MICU3: variants seen among roughly 807,000 people sequenced by gnomAD.
MICU3 encodes the protein calcium uptake protein 3, mitochondrial.
Under a neutral mutation model 66.5 loss-of-function variants are expected in MICU3, and 62 were observed. The observed-to-expected ratio is 0.93, with a 90% confidence interval of 0.76 to 1.15. The LOEUF (loss-of-function observed/expected upper bound fraction) is 1.15. MICU3 is among the 50% of genes most tolerant of loss of function. MICU3 has a pLI of 0.00. For synonymous variants in MICU3, 308 were observed against 240.7 expected, an observed-to-expected ratio of 1.28 and a Z score of -2.59; for missense variants, 779 against 664.4, an observed-to-expected ratio of 1.17 and a Z score of -1.90.
intron 1 of MICU3, among the ~76,000 whole-genome samples, chr8:17,031,393 C>T (rs1200945612): frequency 6.6e-6 from 1 of 151,488 alleles, no homozygotes; most frequent in Non-Finnish European, 1.5e-5. Context: ...TCAAGTGATT[C>T]TTCCACCTCA....
At chr8:17,037,989 G>A (rs1813337215) in intron 1 of MICU3, among the ~76,000 whole-genome samples, 1 of 152,160 alleles carries the variant, frequency 6.6e-6, no homozygotes, top group Admixed American at 6.5e-5. Context: ...TTTACCCAAT[G>A]TCTCTACCCC....
At chr8:17,040,449 C>T (rs1813873405) in intron 1 of MICU3, among the ~76,000 whole-genome samples, 1 of 152,088 alleles carries the variant, frequency 6.6e-6, no homozygotes, top group African/African-American at 2.4e-5. Flanking sequence ...TTATGGAGAT[C>T]AGAAGATCAC....
intron 1 of MICU3, among the ~76,000 whole-genome samples, chr8:17,057,165 G>A (rs1025177865): frequency 2.0e-5 from 3 of 152,182 alleles, no homozygotes; most frequent in Admixed American, 6.5e-5. Flanking sequence ...AGGAGATCTG[G>A]TAAGTAGCAG....
Position 17,091,918 on chromosome 8 carries a change from G to A in MICU3, c.888+1334G>A, listed in dbSNP as rs116634611. On this transcript the variant is annotated intron_variant, in intron 8 of 14. Transcript: ENST00000318063. ...TTTTAAGATGGAGTTTTGCTCTGTCGCCCAGCTGGAGTGTAGTGGCATGAT... is the reference window on the plus strand; with the variant it reads ...TTTTAAGATGGAGTTTTGCTCTGTCACCCAGCTGGAGTGTAGTGGCATGAT... Among the ~76,000 whole-genome samples the A allele has an allele frequency of 3.3e-3, 502 of 151,878 alleles. 3 individuals are homozygous for A. The highest frequency in any genetic ancestry group is 0.011 in the African/African-American group (476 of 41,430).
At chr8:17,090,671 C>G in intron 8 of MICU3, 87 bp downstream of exon 8, 2 of 982,770 alleles carry the variant, frequency 2.0e-6, no homozygotes, top group South Asian at 2.0e-5. Flanking sequence ...AAAGCTATAT[C>G]TGCTGTTTAC....
At chr8:17,052,301 T>C (rs1425972045) in intron 1 of MICU3, among the ~76,000 whole-genome samples, 5 of 152,184 alleles carry the variant, frequency 3.3e-5, no homozygotes, top group Admixed American at 3.3e-4. Context: ...AATGATCAAA[T>C]CAAGGTATTT....
intron 1 of MICU3, among the ~76,000 whole-genome samples, chr8:17,040,809 C>G (rs925479538): frequency 1.3e-5 from 2 of 152,114 alleles, no homozygotes; most frequent in Non-Finnish European, 1.5e-5. Flanking sequence ...TACCAGTGAC[C>G]AACCTCTGTC....
chr8:17,037,795 A>G (rs1481487581), intron 1 of MICU3, among the ~76,000 whole-genome samples: 1 of 152,192 alleles, frequency 6.6e-6, no homozygotes, highest in Admixed American at 6.5e-5. Context: ...GCAAAGCCAC[A>G]GGGGAAGAAC....
downstream of MICU3, among the ~76,000 whole-genome samples, chr8:17,125,144 T>C (rs1419617312): frequency 2.8e-3 from 425 of 152,250 alleles, no homozygotes; most frequent in African/African-American, 9.5e-3. Context: ...GCCTGTAATA[T>C]AGCCTGTAAT....
intron 1 of MICU3, among the ~76,000 whole-genome samples, chr8:17,059,120 G>A (rs1025940807): frequency 1.3e-5 from 2 of 152,158 alleles, no homozygotes; most frequent in Non-Finnish European, 2.9e-5. Flanking sequence ...AACTATATAA[G>A]CTTAAAAGAA....
Position 17,114,753 on chromosome 8 carries a change from C to A in MICU3, c.1366+552C>A, listed in dbSNP as rs552161339. Among the ~76,000 whole-genome samples the A allele has an allele frequency of 2.2e-4, 33 of 152,188 alleles. 1 individual carries two copies. The South Asian group carries it at 5.6e-3, about 26-fold the overall frequency. Reference sequence around the variant, plus strand: ...CCATGTCCTTTTTAAAACTTCTTGCCCTATGGGGACTTTGTTTGTCTTAAG... The same window carrying A: ...CCATGTCCTTTTTAAAACTTCTTGCACTATGGGGACTTTGTTTGTCTTAAG... On this transcript the variant is annotated intron_variant, in intron 12 of 14. Coordinates refer to ENST00000318063, the MANE Select transcript of MICU3 (RefSeq NM_181723.3).
chr8:17,134,753 C>G, the MICU3 span, among the ~76,000 whole-genome samples: 2 of 152,110 alleles, frequency 1.3e-5, no homozygotes, highest in African/African-American at 4.8e-5. Flanking sequence ...GAAAGTCAGC[C>G]TTTTTGTTCT....
intron 1 of MICU3, among the ~76,000 whole-genome samples, chr8:17,036,395 C>T (rs1641088299): frequency 6.6e-6 from 1 of 152,026 alleles, no homozygotes; most frequent in Admixed American, 6.5e-5. Flanking sequence ...GGAAGGGGAC[C>T]CGAGCGGGTT....
chr8:17,081,661 TA>T, intron 4 of MICU3, 31 bp from the exon 5 acceptor site: 1 of 648,522 alleles, frequency 1.5e-6, no homozygotes, highest in Non-Finnish European at 2.4e-6. Flanking sequence ...AACAATATTT[TA>T]TATATATAAC....
At chr8:17,132,984 C>G in the MICU3 span, 10 of 152,308 alleles carry the variant, frequency 6.6e-5, no homozygotes, top group African/African-American at 2.2e-4. Context: ...TGAAGAGCCA[C>G]AAGAAGATGC....
At chr8:17,127,481 C>T (rs1208154607), downstream of MICU3, among the ~76,000 whole-genome samples, 1 of 39,922 alleles carries the variant, frequency 2.5e-5, no homozygotes, top group Non-Finnish European at 4.8e-5. Context: ...CCTATTAAAG[C>T]ACAGCCAAAT....
chr8:17,135,255 C>G, the MICU3 span, among the ~76,000 whole-genome samples: 3 of 151,990 alleles, frequency 2.0e-5, no homozygotes, highest in East Asian at 5.8e-4. Context: ...CAAAATTAGC[C>G]AGGTGTGATG....
chr8:17,095,220 T>A (rs1034114939), intron 8 of MICU3, among the ~76,000 whole-genome samples: 10 of 151,946 alleles, frequency 6.6e-5, no homozygotes, highest in African/African-American at 2.4e-4. Context: ...TCACTTAGGG[T>A]GGCTTATGTT....
At chr8:17,039,562 T>C (rs889888633) in intron 1 of MICU3, among the ~76,000 whole-genome samples, 7 of 152,154 alleles carry the variant, frequency 4.6e-5, no homozygotes, top group African/African-American at 1.7e-4. Context: ...TTAGTAAATA[T>C]TTGGGTTTAA....
Sources: allele counts gnomAD v4.1 joint callset (sites outside exome capture counted in the v4.1 genomes callset), GRCh38; gene constraint gnomAD v4.1.1; transcripts MANE v1.5; gene names NCBI Gene and HGNC (gene_info 2026-07-23, HGNC 2026-07-21).